FMO3: variants seen among roughly 807,000 people sequenced by gnomAD.
The protein encoded by FMO3 is flavin containing dimethylaniline monoxygenase 3, also known as flavin-containing monooxygenase 3.
In FMO3, 40 loss-of-function variants were observed where a neutral mutation model predicts 39.4. That is an observed-to-expected ratio of 1.02 (90% confidence interval 0.79 to 1.32). The LOEUF is 1.32. Ranked by LOEUF, FMO3 falls within the 40% of genes most tolerant of loss-of-function variation. The pLI is 0.00. For synonymous variants in FMO3, 219 were observed against 228.8 expected (o/e 0.96, Z 0.39); for missense variants, 680 against 651.8 (o/e 1.04, Z -0.47).
At chr1:171,093,827 C>CTTTTTTTTTTTTTTTTTTTTTT (rs1228257104) in intron 2 of FMO3, among the ~76,000 whole-genome samples, 1 of 75,290 alleles carries the variant, frequency 1.3e-5, no homozygotes, top group Non-Finnish European at 2.3e-5. Context: ...TCACTAATAT[C>CTTTTTTTTTTTTTTTTTTTTTT]TTTTTTTTTT....
rs184336328 is a variant in FMO3, at chr1:171,109,180, T to C, written c.627+959T>C. ...TGAGGACCAGAAATGTCAATTGTCT[T>C]CTTGAAAGTCATTGAGAAAATTAAT... On this transcript the variant is annotated intron_variant, in intron 5 of 8. Transcript: ENST00000367755. Among the ~76,000 whole-genome samples the C allele has an allele frequency of 5.9e-5, 9 of 152,258 alleles. No homozygotes were observed. In the East Asian group the frequency reaches 1.7e-3, roughly 29 times the overall value.
intron 2 of FMO3, among the ~76,000 whole-genome samples, chr1:171,098,725 G>T (rs947994589): frequency 6.6e-6 from 1 of 152,270 alleles, no homozygotes; most frequent in Middle Eastern, 3.4e-3. Context: ...ATACAATCAT[G>T]TCATCTGCAA....
At chr1:171,102,467 A>G (rs1185120745) in intron 2 of FMO3, among the ~76,000 whole-genome samples, 2 of 152,160 alleles carry the variant, frequency 1.3e-5, no homozygotes, top group Non-Finnish European at 2.9e-5. Context: ...TATTCATTCA[A>G]CAGCTTGCTT....
intron 5 of FMO3, among the ~76,000 whole-genome samples, chr1:171,110,478 G>A (rs1392231033): frequency 6.6e-6 from 1 of 152,152 alleles, no homozygotes; most frequent in Admixed American, 6.5e-5. Context: ...CACAGGAAGG[G>A]AAGGAAGCTT....
chr1:171,114,276 T>C lies in FMO3; in HGVS notation c.1097T>C (p.Ile366Thr), dbSNP rs1442715313. The C allele has an allele frequency of 6.2e-7, 1 of 1,613,820 alleles. No individual in the cohort carries two copies. Among genetic ancestry groups the C allele is most frequent in the Non-Finnish European group, 8.5e-7 (1 of 1,179,920 alleles). ...VFPPLLEKST[I>T]AVIGFVQSLG... The stretch of plus-strand genomic sequence containing the variant: ...CCTCCTCTACTTGAGAAGTCAACCA[T>C]AGCAGTGATTGGCTTTGTCCAGTCC... Residue 366 changes from isoleucine to threonine, a missense_variant, in exon 7 of 9, where the codon ATA becomes ACA. Physicochemically the swap from Ile to Thr is moderately conservative, Grantham distance 89 (BLOSUM62 -1). Coordinates refer to ENST00000367755, the MANE Select transcript of FMO3 (RefSeq NM_001002294.3).
In FMO3 at chr1:171,107,762, T is replaced by A; in HGVS notation, c.409T>A (p.Ser137Thr). 6.2e-7 allele frequency: 1 copy of A among 1,613,914 alleles called. No individual in the cohort carries two copies. Residue 137 changes from serine to threonine, a missense_variant, in exon 4 of 9, where the codon TCG (serine) becomes ACG (threonine). Transcript: ENST00000367755. ...CACTGAAAGGGATGGTAAAAAAGAA[T>A]CGGCTGTCTTTGATGCTGTAATGGT... Reference protein sequence around the residue: ...VTTERDGKKESAVFDAVMVCS... With the variant: ...VTTERDGKKETAVFDAVMVCS...
At chr1:171,097,462 G>C (rs1377098323) in intron 2 of FMO3, among the ~76,000 whole-genome samples, 1 of 122,924 alleles carries the variant, frequency 8.1e-6, no homozygotes, top group Non-Finnish European at 1.6e-5. Flanking sequence ...GTTGTTTCCT[G>C]ACTTTTTAAT....
intron 7 of FMO3, among the ~76,000 whole-genome samples, chr1:171,115,759 T>C (rs1656119118): frequency 6.6e-6 from 1 of 152,140 alleles, no homozygotes. Context: ...ATATCCTCAG[T>C]CATATTCAAG....
intron 2 of FMO3, among the ~76,000 whole-genome samples, chr1:171,096,498 A>G (rs1228635657): frequency 9.9e-6 from 1 of 101,314 alleles, no homozygotes; most frequent in Non-Finnish European, 1.7e-5. Flanking sequence ...AATACATAAT[A>G]TACTTTATAT....
At chr1:171,114,800 G>C (rs902637738) in intron 7 of FMO3, among the ~76,000 whole-genome samples, 7 of 152,196 alleles carry the variant, frequency 4.6e-5, no homozygotes, top group African/African-American at 1.7e-4. Flanking sequence ...AAATATGATT[G>C]CTGGAAGGCA....
intron 2 of FMO3, chr1:171,100,928 G>T: frequency 3.5e-6 from 1 of 286,004 alleles, no homozygotes; most frequent in Non-Finnish European, 7.2e-6. Flanking sequence ...TCTGCATTAT[G>T]TGGGTGAGCC....
At chr1:171,111,540 A>G (rs1473163349) in intron 6 of FMO3, among the ~76,000 whole-genome samples, 1 of 152,094 alleles carries the variant, frequency 6.6e-6, no homozygotes, top group Non-Finnish European at 1.5e-5. Flanking sequence ...AGAACGTTTC[A>G]TGTCCTACCT....
chr1:171,117,055 A>G (rs768903024), intron 8 of FMO3, 45 bp from the exon 9 acceptor site: 29 of 1,398,682 alleles, frequency 2.1e-5, no homozygotes, highest in Non-Finnish European at 2.7e-5. Context: ...CTGTTTCTAC[A>G]CAGAGTTTGG....
At chr1:171,096,872 G>T (rs1422874161) in intron 2 of FMO3, among the ~76,000 whole-genome samples, 2 of 150,866 alleles carry the variant, frequency 1.3e-5, no homozygotes, top group African/African-American at 4.9e-5. Flanking sequence ...CATGTGCCAT[G>T]TTGGTGTGCG....
rs567118694 is a variant in FMO3 at position 171,097,968 on chromosome 1, T to A, written c.132+5178T>A. Among the ~76,000 whole-genome samples the A allele has an allele frequency of 4.5e-3, 686 of 152,320 alleles. 7 individuals are homozygous for A. The highest frequency in any genetic ancestry group is 6.5e-3 in the Admixed American group (100 of 15,294). ...TAATCCATTTGAATTAATTTTTGTA[T>A]AAGGTGTAAGTAAGGGATCCAGTTT... is the stretch of plus-strand genomic sequence containing the variant. On this transcript the variant is annotated intron_variant, in intron 2 of 8. Coordinates refer to ENST00000367755, the MANE Select transcript of FMO3 (RefSeq NM_001002294.3).
chr1:171,099,246 C>T (rs1247926634), intron 2 of FMO3, among the ~76,000 whole-genome samples: 1 of 152,160 alleles, frequency 6.6e-6, no homozygotes, highest in Non-Finnish European at 1.5e-5. Flanking sequence ...AGTTTGATTG[C>T]ACTGTGGTCT....
At position 171,096,493 on chromosome 1, in the gene FMO3, A is replaced by G. The variant is rs1295832157; in HGVS notation, c.132+3703A>G. Among the ~76,000 whole-genome samples the G allele has an allele frequency of 9.4e-5, 10 of 105,842 alleles. 1 individual carries two copies. Among genetic ancestry groups the G allele is most frequent in the African/African-American group, 3.1e-4 (8 of 25,398 alleles). The allele number at this position is 105,842 out of a possible 152,430, so 69.4% of individuals were successfully genotyped here. A position where few individuals can be genotyped will look rare whatever the true frequency, so the allele number is the denominator to read the frequency against. On this transcript the variant is annotated intron_variant, in intron 2 of 8. Coordinates refer to ENST00000367755, the MANE Select transcript of FMO3 (RefSeq NM_001002294.3). ...ATAATATATTTTATATATTAAATAC[A>G]TAATATACTTTATATATTAAATACA...
intron 7 of FMO3, 48 bp downstream of exon 7, chr1:171,114,410 C>A (rs775927424): frequency 1.5e-6 from 2 of 1,335,116 alleles, no homozygotes; most frequent in African/African-American, 1.4e-5. Flanking sequence ...ATGCCAGTGA[C>A]AATAACTTTG....
rs964803205 is a variant in FMO3 at position 171,117,703 on chromosome 1, A to C, written c.*261A>C. 5 of 351,934 alleles carry C rather than the reference A, an allele frequency of 1.4e-5. No individual in the cohort carries two copies. The highest frequency in any genetic ancestry group is 2.6e-5 in the Non-Finnish European group (5 of 194,842). 21.8% of individuals were successfully genotyped at this position (351,934 alleles called of 1,614,324 possible). ...TCAAAATCAGAACTATGTTCTTTAT[A>C]TCTAACTTAAATCATTTCCTGAAAC... On this transcript the variant is annotated 3_prime_UTR_variant, in exon 9 of 9. Coordinates refer to ENST00000367755, the MANE Select transcript of FMO3 (RefSeq NM_001002294.3).
Sources: allele counts gnomAD v4.1 joint callset (sites outside exome capture counted in the v4.1 genomes callset), GRCh38; gene constraint gnomAD v4.1.1; transcripts MANE v1.5; gene names NCBI Gene and HGNC (gene_info 2026-07-23, HGNC 2026-07-21).